The following ZNF682 variants were observed in gnomAD, a reference collection of about 807,000 sequenced individuals.
ZNF682 encodes the protein zinc finger protein 682.
A neutral mutation model predicts 36.5 loss-of-function variants in ZNF682; 29 were observed. The ratio of observed to expected loss-of-function variants is 0.80; its 90% CI spans 0.59 to 1.08. ZNF682 has a LOEUF of 1.08. Ranked by LOEUF, ZNF682 falls within the 50% of genes least tolerant of loss-of-function variation. ZNF682 has a pLI of 0.00. For synonymous variants in ZNF682, 180 were observed against 197.0 expected (o/e 0.91, Z 0.72); for missense variants, 561 against 579.7 (o/e 0.97, Z 0.33).
rs1568537522 is a variant in ZNF682, at chr19:20,006,710, T to G, written c.792A>C (p.Lys264Asn). The G allele has an allele frequency of 6.2e-7, 1 of 1,613,976 alleles. No individual in the cohort carries two copies. Among genetic ancestry groups the G allele is most frequent in the Non-Finnish European group, 8.5e-7 (1 of 1,179,980 alleles). Residue 264 changes from lysine (K) to asparagine (N), a missense_variant, in exon 4 of 4, where the codon AAA becomes AAC. Coordinates refer to ENST00000397165, the MANE Select transcript of ZNF682 (RefSeq NM_033196.3). ...CAAAGGGTGAACACCAGTGAAAGGC[T>G]TTTCCACATTCTTCACATTTGTAGG... ...EKPYKCEECG[K>N]AFHWCSPFVR...
At chr19:20,013,268 G>A (rs1197398737) in intron 3 of ZNF682, among the ~76,000 whole-genome samples, 3 of 151,836 alleles carry the variant, frequency 2.0e-5, no homozygotes, top group African/African-American at 7.2e-5. Context: ...ATAATAAAAA[G>A]ATTAATTTAT....
rs1227788430 is a variant in ZNF682 at position 20,004,903 on chromosome 19, C to T, written c.*1102G>A. On this transcript the variant is annotated 3_prime_UTR_variant, in exon 4 of 4. Coordinates refer to ENST00000397165, the MANE Select transcript of ZNF682 (RefSeq NM_033196.3). ...AATCTCCTATTTCTGTTTAGGCTAA[C>T]TAAATTATGTTAACCTTGAATTACT... 1 of 152,180 alleles carries T rather than the reference C, an allele frequency of 6.6e-6. No homozygotes were observed. The highest frequency in any genetic ancestry group is 1.5e-5 in the Non-Finnish European group (1 of 68,026). 9.4% of individuals were successfully genotyped at this position (152,180 alleles called of 1,614,324 possible). A position where few individuals can be genotyped will look rare whatever the true frequency, so the allele number is the denominator to read the frequency against.
At chr19:20,024,112 C>G in intron 2 of ZNF682, 138 bp downstream of exon 2, 1 of 1,049,446 alleles carries the variant, frequency 9.5e-7, no homozygotes, top group Non-Finnish European at 1.4e-6. Context: ...TCTATCCCAA[C>G]AAATCCCCAA....
intron 3 of ZNF682, among the ~76,000 whole-genome samples, chr19:20,021,019 A>G (rs531182447): frequency 1.3e-5 from 2 of 151,820 alleles, no homozygotes; most frequent in South Asian, 2.1e-4. Context: ...ATAATGCTCT[A>G]TATCAGGGGT....
At chr19:20,031,676 C>T (rs1486522695) in intron 1 of ZNF682, among the ~76,000 whole-genome samples, 3 of 152,144 alleles carry the variant, frequency 2.0e-5, no homozygotes, top group African/African-American at 7.2e-5. Context: ...GGCACGGTGG[C>T]TCACCCCTGT....
intron 3 of ZNF682, among the ~76,000 whole-genome samples, chr19:20,019,117 T>TA (rs2088362613): frequency 6.6e-6 from 1 of 152,124 alleles, no homozygotes; most frequent in African/African-American, 2.4e-5. Flanking sequence ...AGAAGTTACA[T>TA]AAATAGCCTA....
chr19:20,023,025 C>A lies in ZNF682; in HGVS notation c.205G>T (p.Glu69Ter). The A allele has an allele frequency of 6.2e-7, 1 of 1,613,866 alleles. No homozygotes were observed. The highest frequency in any genetic ancestry group is 8.5e-7 in the Non-Finnish European group (1 of 1,179,828). The change falls in exon 3 of 4, where the codon GAG becomes TAG. Residue 69 changes from glutamate (E) to a stop codon, truncating the protein, a stop_gained. Coordinates refer to ENST00000397165, the MANE Select transcript of ZNF682 (RefSeq NM_033196.3). LOFTEE classifies it low-confidence loss of function (END_TRUNC). ...RQEPWNVKRH[E>*]TIAKPPAMSS... ...CTACCTGGGGGTTTGGCTATGGTCT[C>A]ATGTCTCTTCACATTCCAGGGCTCC...
chr19:20,039,363 G>T lies in ZNF682; in HGVS notation c.-18C>A. On this transcript the variant is annotated 5_prime_UTR_variant, in exon 1 of 4. Coordinates refer to ENST00000397165, the MANE Select transcript of ZNF682 (RefSeq NM_033196.3). ...CTCACCATTTTTCGGCTTCCGGGAT[G>T]TCGTGGAGTCTTAGCTCTGGATCTC... 2 of 1,612,304 alleles carry T rather than the reference G, an allele frequency of 1.2e-6. No homozygotes were observed. The highest frequency in any genetic ancestry group is 1.7e-6 in the Non-Finnish European group (2 of 1,179,930).
At chr19:20,010,227 C>A (rs1002767464) in intron 3 of ZNF682, among the ~76,000 whole-genome samples, 1 of 152,116 alleles carries the variant, frequency 6.6e-6, no homozygotes, top group Non-Finnish European at 1.5e-5. Flanking sequence ...CCTACTACCA[C>A]AAAAACACAC....
chr19:20,027,186 C>A (rs1017556933), intron 1 of ZNF682, among the ~76,000 whole-genome samples: 1 of 152,158 alleles, frequency 6.6e-6, no homozygotes, highest in African/African-American at 2.4e-5. Flanking sequence ...AAAGCATCAG[C>A]AAAACCCCTT....
chr19:20,038,949 T>A (rs547033414), intron 1 of ZNF682, among the ~76,000 whole-genome samples: 1 of 152,162 alleles, frequency 6.6e-6, no homozygotes, highest in Non-Finnish European at 1.5e-5. Flanking sequence ...GTGACTCCCA[T>A]AGTTTTTAAA....
chr19:20,008,516 G>C (rs10405021), intron 3 of ZNF682, among the ~76,000 whole-genome samples: 17 of 152,162 alleles, frequency 1.1e-4, no homozygotes, highest in African/African-American at 4.1e-4. Flanking sequence ...TGCCCTGCCT[G>C]GTGTTCCATC....
At chr19:20,000,620 G>A (rs184518573), downstream of ZNF682, among the ~76,000 whole-genome samples, 2 of 152,292 alleles carry the variant, frequency 1.3e-5, no homozygotes, top group Admixed American at 6.5e-5. Flanking sequence ...GTCATGGCTG[G>A]CAAAATGGGG....
At position 20,024,324 on chromosome 19, in the gene ZNF682, T is replaced by A. The variant is rs1284001199; in HGVS notation, c.56A>T (p.Glu19Val). 1.3e-5 allele frequency: 21 copies of A among 1,613,942 alleles called. No individual in the cohort carries two copies. The highest frequency in any genetic ancestry group is 1.8e-5 in the Non-Finnish European group (21 of 1,179,906). ...VTIEFSLEEW[E>V]FLNPAQQSLY... ...ACTCTGCTGAGCAGGGTTCAGAAACTCCCACTCCTCCAGAGAGAATTCTAT... is the reference window on the plus strand; with the variant it reads ...ACTCTGCTGAGCAGGGTTCAGAAACACCCACTCCTCCAGAGAGAATTCTAT... The change falls in exon 2 of 4, where the codon GAG becomes GTG. Residue 19 changes from glutamate (E) to valine (V), a missense_variant. Glu to Val is a moderately radical substitution (Grantham distance 121). Coordinates refer to ENST00000397165, the MANE Select transcript of ZNF682 (RefSeq NM_033196.3).
intron 1 of ZNF682, among the ~76,000 whole-genome samples, chr19:20,028,055 T>C (rs2088447451): frequency 6.6e-6 from 1 of 152,150 alleles, no homozygotes; most frequent in South Asian, 2.1e-4. Context: ...ACATAATCCG[T>C]CGAGAGGACA....
At chr19:20,007,531 G>T in intron 3 of ZNF682, 1 of 397,476 alleles carries the variant, frequency 2.5e-6, no homozygotes, top group South Asian at 4.4e-5. Flanking sequence ...CTTGCTCAAA[G>T]TCACTGGGCA....
intron 3 of ZNF682, chr19:20,007,538 G>A: frequency 2.6e-6 from 1 of 388,250 alleles, no homozygotes; most frequent in Non-Finnish European, 4.6e-6. Flanking sequence ...AAAGTCACTG[G>A]GCACCAGGAC....
intron 3 of ZNF682, among the ~76,000 whole-genome samples, chr19:20,008,728 T>G (rs1045696148): frequency 6.6e-6 from 1 of 152,142 alleles, no homozygotes; most frequent in Non-Finnish European, 1.5e-5. Flanking sequence ...TGCCAGCAGT[T>G]GAAGGGAATA....
intron 3 of ZNF682, among the ~76,000 whole-genome samples, chr19:20,018,255 G>A (rs940993004): frequency 2.0e-5 from 3 of 150,798 alleles, no homozygotes; most frequent in Non-Finnish European, 4.4e-5. Flanking sequence ...CACTACGCCC[G>A]GCTAATTTTT....
Sources: allele counts gnomAD v4.1 joint callset (sites outside exome capture counted in the v4.1 genomes callset), GRCh38; gene constraint gnomAD v4.1.1; transcripts MANE v1.5; gene names NCBI Gene and HGNC (gene_info 2026-07-23, HGNC 2026-07-21).